The following CNTNAP2 variants were observed in gnomAD, a reference collection of about 807,000 sequenced individuals.
The protein encoded by CNTNAP2 is contactin-associated protein-like 2.
A neutral mutation model predicts 155.2 loss-of-function variants in CNTNAP2; 98 were observed. That is an observed-to-expected ratio of 0.63 (90% confidence interval 0.54 to 0.75). CNTNAP2 has a LOEUF of 0.75. Ranked by LOEUF, CNTNAP2 falls within the 30% of genes least tolerant of loss-of-function variation. CNTNAP2 has a pLI of 0.00. For synonymous variants in CNTNAP2, 651 were observed against 631.2 expected (o/e 1.03, Z -0.47); for missense variants, 1,727 against 1,688.1 (o/e 1.02, Z -0.40).
At chr7:147,639,958 G>C (rs1584873577) in intron 13 of CNTNAP2, among the ~76,000 whole-genome samples, 1 of 152,220 alleles carries the variant, frequency 6.6e-6, no homozygotes, top group East Asian at 1.9e-4. Flanking sequence ...TGGGAGTCTT[G>C]GCAGTAAATT....
intron 1 of CNTNAP2, among the ~76,000 whole-genome samples, chr7:146,355,565 A>G (rs1241849135): frequency 3.3e-5 from 5 of 152,178 alleles, no homozygotes; most frequent in Admixed American, 6.5e-5. Context: ...AGTCTCTTCC[A>G]TAATTTATAA....
At chr7:147,457,300 A>G (rs1486721707) in intron 10 of CNTNAP2, among the ~76,000 whole-genome samples, 1 of 152,144 alleles carries the variant, frequency 6.6e-6, no homozygotes. Context: ...AGCTCACCAG[A>G]CATCAAGAAT....
chr7:146,913,553 G>A (rs1796333266), intron 3 of CNTNAP2, among the ~76,000 whole-genome samples: 1 of 151,990 alleles, frequency 6.6e-6, no homozygotes, highest in Admixed American at 6.6e-5. Flanking sequence ...TTTGGTGGTG[G>A]CCCTCTTTCG....
At chr7:146,202,888 C>T (rs184668917) in intron 1 of CNTNAP2, among the ~76,000 whole-genome samples, 1 of 152,202 alleles carries the variant, frequency 6.6e-6, no homozygotes, top group East Asian at 1.9e-4. Flanking sequence ...TTATCTTTTC[C>T]TATTTTTTTG....
chr7:146,168,927 C>T (rs1041040555), intron 1 of CNTNAP2, among the ~76,000 whole-genome samples: 21 of 152,026 alleles, frequency 1.4e-4, no homozygotes, highest in African/African-American at 4.8e-4. Context: ...CCTACATTAC[C>T]TCTTCCCTCA....
intron 9 of CNTNAP2, among the ~76,000 whole-genome samples, chr7:147,366,813 C>CA (rs1563177553): frequency 2.5e-4 from 21 of 83,080 alleles, no homozygotes; most frequent in South Asian, 1.0e-3. Flanking sequence ...ACACACACAC[C>CA]CCAATGTTTA....
chr7:147,318,284 A>T (rs1328689846), intron 9 of CNTNAP2, among the ~76,000 whole-genome samples: 2 of 152,066 alleles, frequency 1.3e-5, no homozygotes, highest in East Asian at 3.9e-4. Context: ...TTTGCAAAAA[A>T]TACAAAAATT....
intron 13 of CNTNAP2, among the ~76,000 whole-genome samples, chr7:147,895,493 C>T (rs1165220499): frequency 6.6e-6 from 1 of 152,148 alleles, no homozygotes; most frequent in Non-Finnish European, 1.5e-5. Flanking sequence ...CTCTAGTTAA[C>T]TTAGAATGCC....
chr7:146,564,842 T>C lies in CNTNAP2; in HGVS notation c.98-209429T>C, dbSNP rs143672731. 3.8e-3 allele frequency among the ~76,000 whole-genome samples: 574 copies of C among 152,074 alleles called. 3 individuals are homozygous for C. The highest frequency in any genetic ancestry group is 0.013 in the African/African-American group (541 of 41,514). ...GTAGTTTACAAAATATGTTTACATA[T>C]ATCATTGAATTTGATACTCCTAAGA... is the stretch of plus-strand genomic sequence containing the variant. On this transcript the variant is annotated intron_variant, in intron 1 of 23. Coordinates refer to ENST00000361727, the MANE Select transcript of CNTNAP2 (RefSeq NM_014141.6).
chr7:146,952,187 A>G (rs778572403), intron 3 of CNTNAP2, among the ~76,000 whole-genome samples: 1 of 152,170 alleles, frequency 6.6e-6, no homozygotes, highest in Non-Finnish European at 1.5e-5. Context: ...CTACATGATA[A>G]TCTCAATAGA....
intron 12 of CNTNAP2, 72 bp from the exon 13 acceptor site, chr7:147,639,034 A>G: frequency 2.0e-6 from 3 of 1,472,074 alleles, no homozygotes; most frequent in South Asian, 2.3e-5. Flanking sequence ...GTGTGGCTCA[A>G]TTATTTTCTG....
chr7:146,623,742 A>G (rs893749353), intron 1 of CNTNAP2, among the ~76,000 whole-genome samples: 2 of 152,142 alleles, frequency 1.3e-5, no homozygotes, highest in African/African-American at 2.4e-5. Context: ...TAAGTTTTCA[A>G]TTCAGTTGAG....
chr7:146,592,105 G>A (rs187943418), intron 1 of CNTNAP2, among the ~76,000 whole-genome samples: 8 of 152,208 alleles, frequency 5.3e-5, no homozygotes, highest in Admixed American at 2.0e-4. Flanking sequence ...ATCCAAATCC[G>A]GCTGTCATGA....
At chr7:146,609,547 A>G (rs1799101169) in intron 1 of CNTNAP2, among the ~76,000 whole-genome samples, 1 of 152,188 alleles carries the variant, frequency 6.6e-6, no homozygotes, top group Non-Finnish European at 1.5e-5. Flanking sequence ...CAAACTTAAA[A>G]CACTTGAGCT....
chr7:147,833,141 T>C lies in CNTNAP2; in HGVS notation c.2099-70424T>C, dbSNP rs886738174. 2.8e-4 allele frequency among the ~76,000 whole-genome samples: 43 copies of C among 151,284 alleles called. 1 individual carries two copies. The highest frequency in any genetic ancestry group is 9.4e-4 in the African/African-American group (39 of 41,370). ...ATTTTTCTTAGGTTTTTTTTTTTTT[T>C]CATGAAACAATGATAACTGCTAGCA... On this transcript the variant is annotated intron_variant, in intron 13 of 23. Coordinates refer to ENST00000361727, the MANE Select transcript of CNTNAP2 (RefSeq NM_014141.6).
intron 22 of CNTNAP2, among the ~76,000 whole-genome samples, chr7:148,395,836 G>A (rs774467957): frequency 2.0e-5 from 3 of 152,066 alleles, no homozygotes; most frequent in Admixed American, 6.6e-5. Context: ...AAGCAAAACC[G>A]GCACAAACAT....
chr7:146,756,881 G>A (rs991142083), intron 1 of CNTNAP2, among the ~76,000 whole-genome samples: 12 of 151,996 alleles, frequency 7.9e-5, no homozygotes, highest in South Asian at 2.1e-4. Flanking sequence ...GTTATAACAC[G>A]TATATATGTA....
chr7:146,722,190 C>T (rs1190047003), intron 1 of CNTNAP2, among the ~76,000 whole-genome samples: 1 of 151,560 alleles, frequency 6.6e-6, no homozygotes, highest in African/African-American at 2.4e-5. Flanking sequence ...ATGCCCAGCC[C>T]TCCTGTGTAA....
chr7:147,422,841 G>C (rs1797317779), intron 10 of CNTNAP2, among the ~76,000 whole-genome samples: 1 of 152,010 alleles, frequency 6.6e-6, no homozygotes, highest in African/African-American at 2.4e-5. Context: ...ATATTTTTAA[G>C]CTCACAAAAT....
Sources: allele counts gnomAD v4.1 joint callset (sites outside exome capture counted in the v4.1 genomes callset), GRCh38; gene constraint gnomAD v4.1.1; transcripts MANE v1.5; gene names NCBI Gene and HGNC (gene_info 2026-07-23, HGNC 2026-07-21).